Variants in PDE4D observed in about 807,000 individuals in gnomAD.
PDE4D encodes phosphodiesterase 4D, also known as 3',5'-cyclic-AMP phosphodiesterase 4D.
PDE4D carries 24 observed loss-of-function variants against 87.4 expected under a neutral mutation model. The observed-to-expected ratio is 0.27, with a 90% CI of 0.20 to 0.39. PDE4D has a LOEUF of 0.39. PDE4D is among the 10% of genes least tolerant of loss of function. The pLI, the probability that PDE4D is intolerant of heterozygous loss-of-function variation, is 1.00. For synonymous variants in PDE4D, 384 were observed against 383.2 expected (o/e 1.00, Z -0.02); for missense variants, 714 against 1,041.0 (o/e 0.69, Z 4.32).
intron 1 of PDE4D, among the ~76,000 whole-genome samples, chr5:59,384,061 T>A (rs981932904): frequency 2.3e-5 from 3 of 132,340 alleles, no homozygotes; most frequent in Non-Finnish European, 4.7e-5. Flanking sequence ...GCTATTTTTT[T>A]ATTTTTTTAG....
At chr5:59,921,486 T>C (rs550193464) in intron 3 of PDE4D, among the ~76,000 whole-genome samples, 14 of 152,162 alleles carry the variant, frequency 9.2e-5, no homozygotes, top group Non-Finnish European at 1.8e-4. Context: ...AAAAAAAACA[T>C]GGACTATTAA....
At chr5:58,999,763 A>C (rs1356065225) in intron 6 of PDE4D, 1 of 1,031,876 alleles carries the variant, frequency 9.7e-7, no homozygotes, top group African/African-American at 1.7e-5. Context: ...GAATGGCACA[A>C]AATTCAGCAA....
chr5:59,321,250 C>T (rs1291536520), intron 1 of PDE4D, among the ~76,000 whole-genome samples: 1 of 151,976 alleles, frequency 6.6e-6, no homozygotes, highest in Non-Finnish European at 1.5e-5. Flanking sequence ...ATGTCTTTCC[C>T]TCGCTCCCTG....
At chr5:60,013,253 C>T (rs552216580) in intron 2 of PDE4D, among the ~76,000 whole-genome samples, 63 of 152,272 alleles carry the variant, frequency 4.1e-4, no homozygotes, top group African/African-American at 1.5e-3. Flanking sequence ...CAGCTTTTGG[C>T]CAAGAACTAA....
intron 1 of PDE4D, among the ~76,000 whole-genome samples, chr5:59,550,768 C>G (rs1020199631): frequency 6.6e-6 from 1 of 151,128 alleles, no homozygotes; most frequent in Non-Finnish European, 1.5e-5. Flanking sequence ...CATGACTCAG[C>G]TTACTGCAAC....
At chr5:59,187,223 G>A (rs1022770925) in intron 3 of PDE4D, among the ~76,000 whole-genome samples, 1 of 152,092 alleles carries the variant, frequency 6.6e-6, no homozygotes, top group Admixed American at 6.6e-5. Flanking sequence ...CTGTAGAGGA[G>A]TTTTTGCCTC....
intron 1 of PDE4D, among the ~76,000 whole-genome samples, chr5:59,844,907 C>T (rs1186047191): frequency 6.6e-6 from 1 of 152,000 alleles, no homozygotes; most frequent in Non-Finnish European, 1.5e-5. Context: ...GGAGTTGGGC[C>T]CTTCCTGAAG....
intron 1 of PDE4D, among the ~76,000 whole-genome samples, chr5:59,665,499 A>C (rs886613061): frequency 3.9e-5 from 6 of 152,230 alleles, no homozygotes; most frequent in African/African-American, 1.4e-4. Flanking sequence ...TAACTTCATC[A>C]CATTCAGAAT....
chr5:60,466,727 T>C (rs1747383014), intron 1 of PDE4D, among the ~76,000 whole-genome samples: 1 of 152,160 alleles, frequency 6.6e-6, no homozygotes, highest in Admixed American at 6.5e-5. Flanking sequence ...ACTAGGATTG[T>C]CTCATTTTCA....
chr5:59,873,801 A>G (rs529148351), intron 1 of PDE4D, among the ~76,000 whole-genome samples: 3 of 152,370 alleles, frequency 2.0e-5, no homozygotes, highest in African/African-American at 7.2e-5. Context: ...ACTTATGCCA[A>G]TACTTCCATT....
At chr5:59,186,746 G>T (rs548283683) in intron 3 of PDE4D, among the ~76,000 whole-genome samples, 1 of 152,240 alleles carries the variant, frequency 6.6e-6, no homozygotes, top group Non-Finnish European at 1.5e-5. Flanking sequence ...AGCCAACCGT[G>T]ATTAACTCAG....
intron 5 of PDE4D, chr5:59,157,155 T>G: frequency 1.7e-6 from 1 of 581,062 alleles, no homozygotes; most frequent in Non-Finnish European, 3.0e-6. Flanking sequence ...TTTCCATTGC[T>G]TCACAATTTT....
chr5:59,356,897 T>C, intron 1 of PDE4D: 5 of 1,487,268 alleles, frequency 3.4e-6, no homozygotes, highest in Non-Finnish European at 4.4e-6. Context: ...TCAGAGCTGG[T>C]GCGGGGCTCT....
intron 1 of PDE4D, among the ~76,000 whole-genome samples, chr5:59,771,365 T>A (rs1763417091): frequency 7.0e-6 from 1 of 142,756 alleles, no homozygotes; most frequent in Non-Finnish European, 1.5e-5. Flanking sequence ...AAGGAAGAGA[T>A]TATACTAAAA....
chr5:59,521,594 G>A (rs1812252015), intron 1 of PDE4D, among the ~76,000 whole-genome samples: 1 of 152,028 alleles, frequency 6.6e-6, no homozygotes, highest in Non-Finnish European at 1.5e-5. Context: ...AACTATTTTT[G>A]AATAAATAGC....
intron 1 of PDE4D, among the ~76,000 whole-genome samples, chr5:59,761,546 A>T (rs1761968696): frequency 1.3e-5 from 2 of 151,376 alleles, no homozygotes; most frequent in Non-Finnish European, 2.9e-5. Flanking sequence ...TTTATTTTTA[A>T]TTTTTTTTTA....
chr5:59,029,614 C>A (rs1756958189), intron 6 of PDE4D, among the ~76,000 whole-genome samples: 1 of 151,580 alleles, frequency 6.6e-6, no homozygotes. Context: ...AGATTCAATG[C>A]AGTTCCTCTA....
chr5:59,168,672 AAAAG>A (rs1411833356), intron 5 of PDE4D, among the ~76,000 whole-genome samples: 6 of 151,860 alleles, frequency 4.0e-5, no homozygotes, highest in East Asian at 3.9e-4. Context: ...AGAAAAAAGA[AAAAG>A]AAAGAGAGAG....
chr5:59,043,270 T>TC (rs1759997847), intron 5 of PDE4D, among the ~76,000 whole-genome samples: 1 of 152,198 alleles, frequency 6.6e-6, no homozygotes, highest in Non-Finnish European at 1.5e-5. Flanking sequence ...ACGCCTGTAA[T>TC]CCCAGCACTT....
Sources: allele counts gnomAD v4.1 joint callset (sites outside exome capture counted in the v4.1 genomes callset), GRCh38; gene constraint gnomAD v4.1.1; transcripts MANE v1.5; gene names NCBI Gene and HGNC (gene_info 2026-07-23, HGNC 2026-07-21).